PEAK1: variants seen among roughly 807,000 people sequenced by gnomAD.
The protein encoded by PEAK1 is inactive tyrosine-protein kinase PEAK1.
A neutral mutation model predicts 124.7 loss-of-function variants in PEAK1; 54 were observed. The observed-to-expected ratio is 0.43, with a 90% CI of 0.35 to 0.54. The LOEUF (loss-of-function observed/expected upper bound fraction) is 0.54. Among genes scored for constraint, PEAK1 ranks in the 20% least tolerant of loss-of-function variants. The probability of loss-of-function intolerance (pLI) is 0.01; values close to 1 mark genes in which losing one functional copy is unlikely to be tolerated. For missense variants in PEAK1, 2,046 were observed against 2,134.5 expected, an observed-to-expected ratio of 0.96 and a Z score of 0.82; for synonymous variants, 719 against 760.0, an observed-to-expected ratio of 0.95 and a Z score of 0.89.
At chr15:77,135,484 G>C (rs2053241593) in intron 8 of PEAK1, among the ~76,000 whole-genome samples, 1 of 152,170 alleles carries the variant, frequency 6.6e-6, no homozygotes, top group Non-Finnish European at 1.5e-5. Flanking sequence ...ATATGGTATA[G>C]CCCACTGCTT....
rs760524195 is a variant in PEAK1, at chr15:77,313,742, T to TATA, written c.-602-27239_-602-27238insTAT. On this transcript the variant is annotated intron_variant, in intron 2 of 9. Coordinates refer to ENST00000682557, the MANE Select transcript of PEAK1 (RefSeq NM_001385026.1). ...TGTGTGTGTGTATATATATATATAT[T>TATA]TATTTATTTATTTATTTTTAGTAGA... is the stretch of plus-strand genomic sequence containing the variant. 1.7e-3 allele frequency among the ~76,000 whole-genome samples: 194 copies of TATA among 113,438 alleles called. 2 individuals carry two copies. The highest frequency in any genetic ancestry group is 5.8e-3 in the African/African-American group (158 of 27,276). 74.4% of individuals were successfully genotyped at this position (113,438 alleles called of 152,430 possible). A position where few individuals can be genotyped will look rare whatever the true frequency, so the allele number is the denominator to read the frequency against.
chr15:77,160,718 A>C (rs2055562777), intron 7 of PEAK1, among the ~76,000 whole-genome samples: 1 of 152,040 alleles, frequency 6.6e-6, no homozygotes, highest in African/African-American at 2.4e-5. Context: ...AAAAATGTTA[A>C]AGCTCCAGAC....
chr15:77,300,839 GTAAT>G (rs1268775337), intron 2 of PEAK1, among the ~76,000 whole-genome samples: 2 of 151,650 alleles, frequency 1.3e-5, no homozygotes, highest in Non-Finnish European at 2.9e-5. Context: ...TAAAAAACCA[GTAAT>G]TATTTATTTA....
chr15:77,280,261 A>C (rs2062592990), intron 5 of PEAK1, among the ~76,000 whole-genome samples: 1 of 152,154 alleles, frequency 6.6e-6, no homozygotes, highest in African/African-American at 2.4e-5. Context: ...GAATCGCTTG[A>C]AAACGGGAGG....
Position 77,181,835 on chromosome 15 carries a change from G to C in PEAK1, c.92C>G (p.Pro31Arg), listed in dbSNP as rs937849073. 9 of 1,613,584 alleles carry C rather than the reference G, an allele frequency of 5.6e-6. No individual in the cohort carries two copies. Among genetic ancestry groups the C allele is most frequent in the Non-Finnish European group, 6.8e-6 (8 of 1,179,688 alleles). The change falls in exon 7 of 10, where the codon CCA (proline) becomes CGA (arginine). Residue 31 changes from proline (P) to arginine (R), a missense_variant. Pro to Arg is a moderately radical substitution (Grantham distance 103). Coordinates refer to ENST00000682557, the MANE Select transcript of PEAK1 (RefSeq NM_001385026.1). ...FKPKSLHQLP[P>R]DPEKAPITHG... ...GGTGATGGGTGCCTTCTCAGGGTCT[G>C]GGGGAAGCTGGTGCAAACTTTTAGG...
At position 77,133,058 on chromosome 15, in the gene PEAK1, C is replaced by T; in HGVS notation, c.4024G>A (p.Val1342Ile). The T allele has an allele frequency of 6.2e-7, 1 of 1,614,144 alleles. No homozygotes were observed. The highest frequency in any genetic ancestry group is 8.5e-7 in the Non-Finnish European group (1 of 1,179,992). ...DKPCCEAGDA[V>I]YYTASYAKDP... ...TTTGCATATGAAGCAGTATAGTAAA[C>T]CGCATCACCTGCCTCACAACATGGT... Residue 1342 changes from valine to isoleucine, a missense_variant, in exon 9 of 10, where the codon GTT (valine) becomes ATT (isoleucine). Transcript: ENST00000682557. The surrounding 1 kb of genome is among the most constrained non-coding windows in gnomAD (Gnocchi z 4.2).
At chr15:77,153,575 T>C (rs1326982509) in intron 8 of PEAK1, among the ~76,000 whole-genome samples, 2 of 152,226 alleles carry the variant, frequency 1.3e-5, no homozygotes, top group African/African-American at 4.8e-5. Context: ...AATTGTGATG[T>C]TAGGGTGTCA....
chr15:77,225,693 T>TATATATATATATATATAG, intron 6 of PEAK1, among the ~76,000 whole-genome samples: 1 of 140,472 alleles, frequency 7.1e-6, no homozygotes, highest in Admixed American at 7.2e-5. Context: ...TATATATATA[T>TATATATATATATATATAG]ATATGACAAT....
At chr15:77,359,897 T>C (rs1447137768) in intron 2 of PEAK1, among the ~76,000 whole-genome samples, 1 of 152,234 alleles carries the variant, frequency 6.6e-6, no homozygotes, top group Non-Finnish European at 1.5e-5. Context: ...AAAATCTAGC[T>C]GGATTTTTTT....
chr15:77,304,371 T>C (rs758932723), intron 2 of PEAK1, among the ~76,000 whole-genome samples: 53 of 152,092 alleles, frequency 3.5e-4, no homozygotes, highest in Non-Finnish European at 6.6e-4. Flanking sequence ...TTTCCACCTA[T>C]AGATATCTGT....
intron 9 of PEAK1, among the ~76,000 whole-genome samples, chr15:77,120,654 T>G (rs974662446): frequency 2.0e-5 from 3 of 152,238 alleles, no homozygotes; most frequent in African/African-American, 7.2e-5. Context: ...GCCTCTAATG[T>G]GATCCCCTCG....
chr15:77,298,344 G>A (rs542373859), intron 2 of PEAK1, among the ~76,000 whole-genome samples: 3 of 149,042 alleles, frequency 2.0e-5, no homozygotes, highest in Admixed American at 1.3e-4. Context: ...TCAGCCTCCC[G>A]AGTAGCTGGG....
intron 6 of PEAK1, among the ~76,000 whole-genome samples, chr15:77,213,866 A>G (rs1399753146): frequency 6.6e-6 from 1 of 152,304 alleles, no homozygotes; most frequent in African/African-American, 2.4e-5. Context: ...TATAACCAAC[A>G]TAACAATGAA....
At chr15:77,312,440 A>G (rs1397253192) in intron 2 of PEAK1, among the ~76,000 whole-genome samples, 1 of 152,230 alleles carries the variant, frequency 6.6e-6, no homozygotes, top group Non-Finnish European at 1.5e-5. Flanking sequence ...TTCAACAGGT[A>G]TTTTATAAAT....
At chr15:77,400,253 C>A (rs1281527514) in intron 1 of PEAK1, among the ~76,000 whole-genome samples, 1 of 151,936 alleles carries the variant, frequency 6.6e-6, no homozygotes, top group Admixed American at 6.6e-5. Flanking sequence ...GGTTTTTGGA[C>A]ATTCCTCAAA....
At chr15:77,377,395 T>C (rs763374376) in intron 1 of PEAK1, among the ~76,000 whole-genome samples, 6 of 151,296 alleles carry the variant, frequency 4.0e-5, no homozygotes, top group African/African-American at 7.3e-5. Context: ...AAAAATAAAG[T>C]AAAACACAAT....
chr15:77,410,441 A>C (rs190096741), intron 1 of PEAK1, among the ~76,000 whole-genome samples: 1 of 152,212 alleles, frequency 6.6e-6, no homozygotes, highest in East Asian at 1.9e-4. Context: ...ATGTTTTTAC[A>C]AAGTGGTATG....
At chr15:77,152,567 A>C (rs915425187) in intron 8 of PEAK1, among the ~76,000 whole-genome samples, 3 of 152,162 alleles carry the variant, frequency 2.0e-5, no homozygotes, top group African/African-American at 7.2e-5. Context: ...GTCTTGTGCC[A>C]GTTTTCAAAG....
chr15:77,333,753 A>C, intron 2 of PEAK1: 2 of 953,698 alleles, frequency 2.1e-6, no homozygotes, highest in Non-Finnish European at 2.5e-6. Flanking sequence ...TTATTTTAGG[A>C]CTCTACCTTG....
Sources: allele counts gnomAD v4.1 joint callset (sites outside exome capture counted in the v4.1 genomes callset), GRCh38; gene constraint gnomAD v4.1.1; non-coding constraint Gnocchi (gnomAD v3.1); transcripts MANE v1.5; gene names NCBI Gene and HGNC (gene_info 2026-07-23, HGNC 2026-07-21).